PAMR1: variants seen among roughly 807,000 people sequenced by gnomAD.
The protein encoded by PAMR1 is inactive serine protease PAMR1.
In PAMR1, 88 loss-of-function variants were observed where a neutral mutation model predicts 81.8. That is an observed-to-expected ratio of 1.08 (90% CI 0.91 to 1.28). The LOEUF (loss-of-function observed/expected upper bound fraction) is 1.28. PAMR1 is among the 50% of genes most tolerant of loss of function. The pLI, the probability that PAMR1 is intolerant of heterozygous loss-of-function variation, is 0.00. For missense variants in PAMR1, 935 were observed against 919.7 expected (o/e 1.02, Z -0.21); for synonymous variants, 336 against 345.3 (o/e 0.97, Z 0.30).
intron 6 of PAMR1, among the ~76,000 whole-genome samples, chr11:35,459,186 G>T (rs747774645): frequency 2.6e-5 from 4 of 152,166 alleles, no homozygotes; most frequent in Non-Finnish European, 4.4e-5. Context: ...TTGTCCTTGG[G>T]CATGGTACAC....
At position 35,470,675 on chromosome 11, in the gene PAMR1, G is replaced by T. The variant is rs1177114092; in HGVS notation, c.638C>A (p.Ser213Ter). Residue 213 changes from serine (S) to a stop codon, truncating the protein, a stop_gained, in exon 5 of 11, where the codon TCA becomes TAA. Transcript: ENST00000619888. LOFTEE classifies it high-confidence loss of function. ...RPAPIQSIGSSLHVLFHSDGS... is the reference protein window; with the variant it reads ...RPAPIQSIGS ...ATCGGAGTGGAAGAGGACGTGGAGT[G>T]AGGATCCTATGCTCTGGATAGGAGC... is the stretch of plus-strand genomic sequence containing the variant. The T allele has an allele frequency of 1.2e-6, 2 of 1,614,188 alleles. No individual in the cohort carries two copies. Among genetic ancestry groups the T allele is most frequent in the Admixed American group, 1.7e-5 (1 of 60,028 alleles).
chr11:35,507,046 T>C (rs868481618), intron 1 of PAMR1, among the ~76,000 whole-genome samples: 10,599 of 129,612 alleles, frequency 0.082, 922 homozygotes, highest in African/African-American at 0.13. Context: ...TGACTTTTTT[T>C]TTTTTTTTTT....
chr11:35,529,091 G>C (rs1851430691), upstream of PAMR1: 1 of 152,160 alleles, frequency 6.6e-6, no homozygotes, highest in Non-Finnish European at 1.5e-5. Context: ...ACCTTTCTCT[G>C]TCCCCATTAT....
At chr11:35,463,160 G>A (rs1307827070) in intron 6 of PAMR1, among the ~76,000 whole-genome samples, 1 of 152,206 alleles carries the variant, frequency 6.6e-6, no homozygotes, top group Admixed American at 6.5e-5. Context: ...TTATTCTGAT[G>A]AGAAGCGCGG....
At chr11:35,502,526 C>CTG (rs35178383) in intron 1 of PAMR1, among the ~76,000 whole-genome samples, 50,115 of 151,818 alleles carry the variant, frequency 0.33, 8,457 homozygotes, top group African/African-American at 0.41. Flanking sequence ...TTTTCTGTCC[C>CTG]TGTGTTAGTT....
At chr11:35,448,816 G>C (rs151063652) in intron 6 of PAMR1, among the ~76,000 whole-genome samples, 1 of 152,320 alleles carries the variant, frequency 6.6e-6, no homozygotes, top group East Asian at 1.9e-4. Flanking sequence ...ACCTTTGGAT[G>C]AGATTTTTGT....
intron 5 of PAMR1, among the ~76,000 whole-genome samples, chr11:35,469,802 GT>G (rs34665290): frequency 0.25 from 36,492 of 148,812 alleles, 4,535 homozygotes; most frequent in Non-Finnish European, 0.29. Context: ...TTTTAATTCA[GT>G]TTTTTTTTTT....
At position 35,432,911 on chromosome 11, in the gene PAMR1, G is replaced by A; in HGVS notation, c.1627-19C>T. On this transcript the variant is annotated intron_variant, in intron 10 of 10. Coordinates refer to ENST00000619888, the MANE Select transcript of PAMR1 (RefSeq NM_001001991.3). ...CAGAAATCTACAAATGCAAGGAATG[G>A]GCAGCAATGGTGAGGAGCCAGCTCC... 6.5e-7 allele frequency: 1 copy of A among 1,547,096 alleles called. No individual in the cohort carries two copies. The highest frequency in any genetic ancestry group is 8.7e-7 in the Non-Finnish European group (1 of 1,149,716).
chr11:35,511,979 T>A (rs1851081572), intron 1 of PAMR1, among the ~76,000 whole-genome samples: 1 of 152,198 alleles, frequency 6.6e-6, no homozygotes, highest in Non-Finnish European at 1.5e-5. Flanking sequence ...ACCCTCAGTC[T>A]AGCCTGGCTG....
At position 35,434,683 on chromosome 11, in the gene PAMR1, C is replaced by A; in HGVS notation, c.1455G>T (p.Trp485Cys). Residue 485 changes from tryptophan to cysteine, a missense_variant, in exon 10 of 11, where the codon TGG becomes TGT. Trp to Cys is a radical substitution (Grantham distance 215, BLOSUM62 -2). Coordinates refer to ENST00000619888, the MANE Select transcript of PAMR1 (RefSeq NM_001001991.3). ...CCAGGGCACCGCTGCAGACTAGGAA[C>A]CACGCTCCCTTGTGTAGGCTGCCGT... ...VHDGSLHKGAWFLVCSGALVN... is the reference protein window; with the variant it reads ...VHDGSLHKGACFLVCSGALVN... The A allele has an allele frequency of 6.2e-7, 1 of 1,614,192 alleles. No homozygotes were observed. Among genetic ancestry groups the A allele is most frequent in the Non-Finnish European group, 8.5e-7 (1 of 1,180,036 alleles).
chr11:35,508,697 C>A (rs538294653), intron 1 of PAMR1, among the ~76,000 whole-genome samples: 1 of 152,128 alleles, frequency 6.6e-6, no homozygotes, highest in Non-Finnish European at 1.5e-5. Flanking sequence ...CCGCCCTCCA[C>A]CTGCAAGTAG....
intron 3 of PAMR1, among the ~76,000 whole-genome samples, chr11:35,476,515 C>G (rs1435826931): frequency 2.6e-5 from 4 of 152,126 alleles, no homozygotes; most frequent in Non-Finnish European, 5.9e-5. Flanking sequence ...GTTTGCTTCC[C>G]CTTCTGCCAT....
chr11:35,527,944 C>T (rs573907537), upstream of PAMR1, among the ~76,000 whole-genome samples: 55 of 152,000 alleles, frequency 3.6e-4, no homozygotes, highest in Non-Finnish European at 7.4e-4. Context: ...CATGATTCAA[C>T]TATCTCCACC....
Position 35,470,737 on chromosome 11 carries a change from G to C in PAMR1, c.576C>G (p.Gly192=). The C allele has an allele frequency of 2.5e-6, 4 of 1,613,986 alleles. No homozygotes were observed. Among genetic ancestry groups the C allele is most frequent in the Non-Finnish European group, 3.4e-6 (4 of 1,179,914 alleles). The change falls in exon 5 of 11, where the codon GGC becomes GGG. Residue 192 remains glycine, a synonymous_variant. Coordinates refer to ENST00000619888, the MANE Select transcript of PAMR1 (RefSeq NM_001001991.3). ...VEVRDGDNRD[G]QIIKRVCGNE... is the part of the protein sequence containing the mutation. ...TGCCACAGACACGCTTGATGATCTG[G>C]CCATCGCGGTTGTCTCCATCACGAA... is the stretch of plus-strand genomic sequence containing the variant.
At chr11:35,457,913 G>A (rs1332884307) in intron 6 of PAMR1, among the ~76,000 whole-genome samples, 4 of 152,120 alleles carry the variant, frequency 2.6e-5, no homozygotes, top group Admixed American at 2.0e-4. Context: ...ATCATTTGTT[G>A]AAGGATGATG....
chr11:35,507,073 T>G (rs1850977273), intron 1 of PAMR1, among the ~76,000 whole-genome samples: 1 of 123,896 alleles, frequency 8.1e-6, no homozygotes, highest in Non-Finnish European at 1.6e-5. Flanking sequence ...TTTGACAGAG[T>G]TTTGCTCTTG....
intron 1 of PAMR1, among the ~76,000 whole-genome samples, chr11:35,510,808 A>T (rs561680807): frequency 2.0e-5 from 3 of 152,206 alleles, no homozygotes; most frequent in Non-Finnish European, 4.4e-5. Context: ...CTATGTGTGC[A>T]AGTGCTCCCC....
chr11:35,454,732 C>T (rs908469453), intron 6 of PAMR1, among the ~76,000 whole-genome samples: 2 of 152,164 alleles, frequency 1.3e-5, no homozygotes, highest in Non-Finnish European at 2.9e-5. Flanking sequence ...GGTCTGTGTG[C>T]AGCACTCCTA....
At chr11:35,458,375 C>G (rs972864485) in intron 6 of PAMR1, among the ~76,000 whole-genome samples, 19 of 151,976 alleles carry the variant, frequency 1.3e-4, no homozygotes, top group South Asian at 4.2e-4. Flanking sequence ...TTATTTGTAC[C>G]CTGCTTGCTT....
Sources: gnomAD v4.1 joint callset for allele counts (sites outside exome capture counted in the v4.1 genomes callset) on GRCh38, gnomAD v4.1.1 for gene constraint, MANE v1.5 for transcripts, NCBI Gene and HGNC (gene_info 2026-07-23, HGNC 2026-07-21) for gene names.